Variants in DCDC1 observed in about 807,000 individuals in gnomAD.
DCDC1 encodes the protein doublecortin domain containing 1, also known as doublecortin domain-containing protein 1.
In DCDC1, 200 loss-of-function variants were observed where a neutral mutation model predicts 178.3. The ratio of observed to expected loss-of-function variants is 1.12; its 90% CI spans 1.00 to 1.26. DCDC1 has a LOEUF of 1.26. Ranked by LOEUF, DCDC1 falls within the 50% of genes most tolerant of loss-of-function variation. The pLI is 0.00. For synonymous variants in DCDC1, 690 were observed against 604.8 expected (o/e 1.14, Z -2.07); for missense variants, 1,983 against 1,749.2 (o/e 1.13, Z -2.38).
intron 20 of DCDC1, among the ~76,000 whole-genome samples, chr11:31,040,067 G>T (rs1209012979): frequency 1.3e-5 from 2 of 151,796 alleles, no homozygotes; most frequent in Non-Finnish European, 2.9e-5. Context: ...TTTCAGAAAG[G>T]CATTGAAAAT....
chr11:30,972,151 A>T (rs1219086430), intron 20 of DCDC1, among the ~76,000 whole-genome samples: 1 of 152,212 alleles, frequency 6.6e-6, no homozygotes, highest in Non-Finnish European at 1.5e-5. Flanking sequence ...AATAGATGCA[A>T]TTCAAAAAAG....
intron 9 of DCDC1, among the ~76,000 whole-genome samples, chr11:31,205,320 T>C (rs1971743180): frequency 6.6e-6 from 1 of 152,170 alleles, no homozygotes; most frequent in South Asian, 2.1e-4. Flanking sequence ...GCCTAAAATA[T>C]TACTATCCAA....
chr11:31,307,439 A>G, intron 4 of DCDC1, 200 bp downstream of exon 4: 2 of 602,394 alleles, frequency 3.3e-6, no homozygotes, highest in Non-Finnish European at 5.6e-6. Context: ...CCCGGGTTGA[A>G]GTGTATCTCA....
intron 20 of DCDC1, among the ~76,000 whole-genome samples, chr11:31,019,773 TCTG>T (rs1416610389): frequency 2.0e-5 from 3 of 152,174 alleles, no homozygotes; most frequent in African/African-American, 7.2e-5. Context: ...CTCTTGCTTT[TCTG>T]CTCCAGTCAA....
chr11:31,002,664 A>T (rs980538205), intron 20 of DCDC1, among the ~76,000 whole-genome samples: 2 of 152,132 alleles, frequency 1.3e-5, no homozygotes, highest in Admixed American at 1.3e-4. Flanking sequence ...TTTCTTACAC[A>T]CTACCTTCAT....
intron 20 of DCDC1, among the ~76,000 whole-genome samples, chr11:30,972,920 T>C (rs1054762105): frequency 6.6e-6 from 1 of 152,108 alleles, no homozygotes; most frequent in Non-Finnish European, 1.5e-5. Flanking sequence ...TGGTTTAAAA[T>C]CATCCCCCTG....
At chr11:30,929,365 G>A (rs1946785533) in intron 22 of DCDC1, among the ~76,000 whole-genome samples, 2 of 152,098 alleles carry the variant, frequency 1.3e-5, no homozygotes, top group Admixed American at 6.6e-5. Flanking sequence ...GCCCAGGGCT[G>A]GAGTAGTGGA....
chr11:31,277,930 C>T (rs1279547525), intron 7 of DCDC1, among the ~76,000 whole-genome samples: 1 of 152,004 alleles, frequency 6.6e-6, no homozygotes, highest in Non-Finnish European at 1.5e-5. Context: ...AAAGTATAAT[C>T]ATTTTTTGTT....
chr11:30,944,173 T>G, intron 21 of DCDC1: 1 of 363,236 alleles, frequency 2.8e-6, no homozygotes, highest in East Asian at 7.2e-5. Context: ...AACACCAAAC[T>G]TTTTCTGTGA....
At chr11:30,925,174 T>G (rs1214769974) in intron 23 of DCDC1, 135 bp downstream of exon 23, 2 of 746,598 alleles carry the variant, frequency 2.7e-6, no homozygotes, top group African/African-American at 3.5e-5. Flanking sequence ...TTTCTGATGT[T>G]TGCTCAGTTA....
intron 7 of DCDC1, among the ~76,000 whole-genome samples, chr11:31,268,695 G>A (rs1176236764): frequency 6.6e-6 from 1 of 152,138 alleles, no homozygotes; most frequent in African/African-American, 2.4e-5. Context: ...ACGAGTGCAT[G>A]CGTCATTTTG....
intron 10 of DCDC1, among the ~76,000 whole-genome samples, chr11:31,129,150 G>T (rs1014737345): frequency 4.9e-5 from 7 of 141,490 alleles, no homozygotes; most frequent in African/African-American, 1.0e-4. Context: ...GACAGCCAGT[G>T]TGCACTATTA....
At chr11:31,110,979 A>G (rs1392486079) in intron 11 of DCDC1, among the ~76,000 whole-genome samples, 3 of 17,204 alleles carry the variant, frequency 1.7e-4, no homozygotes, top group African/African-American at 3.1e-4. Context: ...CTCGCTGGGG[A>G]AAAAAAAAAA....
chr11:30,901,309 T>C (rs1944653749), intron 32 of DCDC1, among the ~76,000 whole-genome samples: 1 of 152,168 alleles, frequency 6.6e-6, no homozygotes, highest in African/African-American at 2.4e-5. Context: ...ACATACATCA[T>C]CTCATGTGAT....
chr11:30,996,504 G>A (rs146823820), intron 20 of DCDC1, among the ~76,000 whole-genome samples: 219 of 152,248 alleles, frequency 1.4e-3, no homozygotes, highest in African/African-American at 5.0e-3. Context: ...GGTAGGTGAT[G>A]CAGTTATGAA....
intron 20 of DCDC1, among the ~76,000 whole-genome samples, chr11:31,037,633 T>C (rs1218971906): frequency 2.0e-5 from 3 of 151,938 alleles, no homozygotes; most frequent in Non-Finnish European, 4.4e-5. Context: ...CGGATAATTT[T>C]TCGTATTTTT....
chr11:31,157,372 A>AATAATAT (rs1965830850), intron 9 of DCDC1, among the ~76,000 whole-genome samples: 1 of 96,878 alleles, frequency 1.0e-5, no homozygotes, highest in Admixed American at 1.2e-4. Flanking sequence ...AAAAAAAAAA[A>AATAATAT]ATATATATAT....
chr11:31,065,234 G>T, intron 18 of DCDC1, 81 bp from the exon 19 acceptor site: 1 of 559,976 alleles, frequency 1.8e-6, no homozygotes, highest in Admixed American at 2.9e-5. Context: ...AAGAGAGGAG[G>T]ATAAATTACA....
At chr11:30,946,625 G>C (rs566550525) in intron 21 of DCDC1, among the ~76,000 whole-genome samples, 27 of 152,134 alleles carry the variant, frequency 1.8e-4, no homozygotes, top group Admixed American at 3.3e-4. Flanking sequence ...GATTCAATCA[G>C]TGAGAAAGCA....
Sources: allele counts gnomAD v4.1 joint callset (sites outside exome capture counted in the v4.1 genomes callset), GRCh38; gene constraint gnomAD v4.1.1; transcripts MANE v1.5; gene names NCBI Gene and HGNC (gene_info 2026-07-23, HGNC 2026-07-21).